The following F13A1 variants were observed in gnomAD, a reference collection of about 807,000 sequenced individuals.
F13A1 encodes the protein coagulation factor XIII A chain, also known as FSF, A subunit.
F13A1 carries 47 observed loss-of-function variants against 80.1 expected under a neutral mutation model. The observed-to-expected ratio is 0.59, with a 90% CI of 0.46 to 0.75. F13A1 has a LOEUF of 0.75. F13A1 is among the 30% of genes least tolerant of loss of function. The pLI is 0.00. For missense variants in F13A1, 817 were observed against 930.4 expected (o/e 0.88, Z 1.59); for synonymous variants, 349 against 344.9 (o/e 1.01, Z -0.13).
At chr6:6,247,611 C>T (rs1757571561) in intron 6 of F13A1, among the ~76,000 whole-genome samples, 1 of 152,196 alleles carries the variant, frequency 6.6e-6, no homozygotes, top group Non-Finnish European at 1.5e-5. Context: ...TGTTCCACTG[C>T]AAGATCTCTG....
intron 3 of F13A1, among the ~76,000 whole-genome samples, chr6:6,270,884 G>A (rs913151651): frequency 6.6e-5 from 10 of 152,220 alleles, no homozygotes; most frequent in Admixed American, 3.3e-4. Context: ...ACAACTGAGT[G>A]AGTGAAGAGA....
chr6:6,293,819 GAGGGAGA>G, intron 3 of F13A1, among the ~76,000 whole-genome samples: 1 of 71,772 alleles, frequency 1.4e-5, no homozygotes, highest in Admixed American at 1.6e-4. Context: ...GGGAGGGAGG[GAGGGAGA>G]GAAGGAAATT....
chr6:6,291,314 G>T (rs1014326120), intron 3 of F13A1, among the ~76,000 whole-genome samples: 2 of 151,838 alleles, frequency 1.3e-5, no homozygotes, highest in African/African-American at 4.8e-5. Context: ...TTCCTTGACT[G>T]ATTCTTCCCT....
rs1761165926 is a variant in F13A1 at position 6,190,435 on chromosome 6, T to C, written c.1305+5362A>G. Among the ~76,000 whole-genome samples the C allele has an allele frequency of 4.0e-5, 6 of 151,124 alleles. No homozygotes were observed. The South Asian group carries it at 1.3e-3, about 32-fold the overall frequency. On this transcript the variant is annotated intron_variant, in intron 10 of 14. Transcript: ENST00000264870. ...TGTCCTTTCTGTTTGTTAGTTTTCC[T>C]TCTAACAGACAGGACCCTCAGCTGC...
In F13A1 at chr6:6,250,720, A is replaced by C. The variant is rs1757619098; in HGVS notation, c.690+91T>G. 1 of 856,220 alleles carries C rather than the reference A, an allele frequency of 1.2e-6. No homozygotes were observed. The highest frequency in any genetic ancestry group is 2.0e-6 in the Non-Finnish European group (1 of 500,768). The allele number at this position is 856,220 out of a possible 1,614,324, so 53.0% of individuals were successfully genotyped here. A position where few individuals can be genotyped will look rare whatever the true frequency, so the allele number is the denominator to read the frequency against. ...AAAAAGCAGGAAATTGTGCTTGTCT[A>C]ATATCGATATATGGGATCCTGTAGG... On this transcript the variant is annotated intron_variant, in intron 5 of 14. Transcript: ENST00000264870. The surrounding 1 kb of genome is among the most constrained non-coding windows in gnomAD (Gnocchi z 4.2).
chr6:6,291,987 A>G (rs933407943), intron 3 of F13A1, among the ~76,000 whole-genome samples: 1 of 152,130 alleles, frequency 6.6e-6, no homozygotes, highest in Non-Finnish European at 1.5e-5. Flanking sequence ...TCCTTGGTGG[A>G]GGCTCCCTTG....
chr6:6,236,549 C>T (rs765009696), intron 6 of F13A1, among the ~76,000 whole-genome samples: 1 of 151,954 alleles, frequency 6.6e-6, no homozygotes. Flanking sequence ...GTAGCGCAGA[C>T]CTTTACATTT....
intron 2 of F13A1, among the ~76,000 whole-genome samples, chr6:6,314,493 C>T (rs942961948): frequency 2.0e-5 from 3 of 152,182 alleles, no homozygotes; most frequent in Non-Finnish European, 4.4e-5. Flanking sequence ...AAACACTTTT[C>T]CATGCGCTTG....
intron 8 of F13A1, among the ~76,000 whole-genome samples, chr6:6,205,195 G>C (rs1761464929): frequency 6.6e-6 from 1 of 152,230 alleles, no homozygotes; most frequent in Non-Finnish European, 1.5e-5. Context: ...TCACTGAGAA[G>C]TCACGTGTAA....
At chr6:6,225,791 C>G (rs776775193) in intron 6 of F13A1, among the ~76,000 whole-genome samples, 1 of 152,198 alleles carries the variant, frequency 6.6e-6, no homozygotes, top group Non-Finnish European at 1.5e-5. Context: ...GCATAAGTCA[C>G]CATGCCTGGC....
At chr6:6,224,912 TA>T (rs781132362) in intron 6 of F13A1, 52 bp from the exon 7 acceptor site, 1 of 1,600,070 alleles carries the variant, frequency 6.2e-7, no homozygotes, top group African/African-American at 1.3e-5. Context: ...TAGGTTTGTC[TA>T]CTCCAGGCTA....
rs1000341867 is a variant in F13A1, at chr6:6,298,153, G to A, written c.319+7198C>T. On this transcript the variant is annotated intron_variant, in intron 3 of 14. Transcript: ENST00000264870. ...TCTGTTCTTTTACATTTGCTGAGGA[G>A]AGCTTTACTTCCCAGTATGTGGTCA... is the stretch of plus-strand genomic sequence containing the variant. Among the ~76,000 whole-genome samples, 13 of 146,456 alleles carry A rather than the reference G, an allele frequency of 8.9e-5. 1 individual carries two copies. The highest frequency in any genetic ancestry group is 3.5e-4 in the African/African-American group (13 of 36,990).
rs572716500 is a variant in F13A1 at position 6,164,295 on chromosome 6, G to A, written c.1908+3163C>T. ...TGGGAGCTAAATGAGGAGAACTTAC[G>A]AACACACAGAAGGAAACAAACAGAC... On this transcript the variant is annotated intron_variant, in intron 13 of 14. Transcript: ENST00000264870. Among the ~76,000 whole-genome samples, 45 of 152,188 alleles carry A rather than the reference G, an allele frequency of 3.0e-4. 1 individual carries two copies. Among genetic ancestry groups the A allele is most frequent in the East Asian group, 1.9e-3 (10 of 5,182 alleles).
intron 12 of F13A1, 58 bp downstream of exon 12, chr6:6,174,522 T>C (rs1322755711): frequency 1.3e-6 from 2 of 1,589,612 alleles, no homozygotes; most frequent in Non-Finnish European, 1.7e-6. Flanking sequence ...CATTAACACC[T>C]AGCAAGACAG....
intron 11 of F13A1, among the ~76,000 whole-genome samples, chr6:6,180,051 C>T (rs1282168451): frequency 6.6e-6 from 1 of 152,200 alleles, no homozygotes; most frequent in Non-Finnish European, 1.5e-5. Context: ...AGACATCTGT[C>T]ATGTGGACAG....
At position 6,281,516 on chromosome 6, in the gene F13A1, T is replaced by C. The variant is rs150106625; in HGVS notation, c.320-14707A>G. On this transcript the variant is annotated intron_variant, in intron 3 of 14. Transcript: ENST00000264870. ...ACGACACTAGGTAGGAGGAGCTCAG[T>C]TAAGATGTCATTACACCTTTTATAT... Among the ~76,000 whole-genome samples, 140 of 152,324 alleles carry C rather than the reference T, an allele frequency of 9.2e-4. 1 individual carries two copies. Among genetic ancestry groups the C allele is most frequent in the African/African-American group, 3.2e-3 (133 of 41,562 alleles).
chr6:6,177,712 A>G (rs1242257967), intron 11 of F13A1, among the ~76,000 whole-genome samples: 1 of 152,110 alleles, frequency 6.6e-6, no homozygotes, highest in Non-Finnish European at 1.5e-5. Flanking sequence ...GGCACAGAGG[A>G]GAAACAGTCT....
chr6:6,305,885 A>G (rs987492177), intron 2 of F13A1, among the ~76,000 whole-genome samples: 1 of 152,172 alleles, frequency 6.6e-6, no homozygotes, highest in African/African-American at 2.4e-5. Flanking sequence ...AGTTTTCGTT[A>G]TGTTAGAAGC....
At chr6:6,238,119 A>G (rs1349723163) in intron 6 of F13A1, among the ~76,000 whole-genome samples, 3 of 152,344 alleles carry the variant, frequency 2.0e-5, no homozygotes, top group East Asian at 3.9e-4. Context: ...ATACATATAA[A>G]CTAATGAAAC....
Sources: gnomAD v4.1 joint callset for allele counts (sites outside exome capture counted in the v4.1 genomes callset) on GRCh38, gnomAD v4.1.1 for gene constraint, Gnocchi (gnomAD v3.1) non-coding constraint, MANE v1.5 for transcripts, NCBI Gene and HGNC (gene_info 2026-07-23, HGNC 2026-07-21) for gene names.